Variants in TGS1 observed in about 807,000 individuals in gnomAD.
The protein encoded by TGS1 is trimethylguanosine synthase 1, also known as trimethylguanosine synthase.
A neutral mutation model predicts 92.2 loss-of-function variants in TGS1; 69 were observed. The observed-to-expected ratio is 0.75, with a 90% CI of 0.62 to 0.91. The LOEUF (loss-of-function observed/expected upper bound fraction) is 0.91, where lower values mean the gene tolerates loss of function less well. TGS1 is among the 40% of genes least tolerant of loss of function. TGS1 has a pLI of 0.00. For missense variants in TGS1, 1,062 were observed against 1,001.2 expected, an observed-to-expected ratio of 1.06 and a Z score of -0.82; for synonymous variants, 345 against 338.1, an observed-to-expected ratio of 1.02 and a Z score of -0.22.
intron 5 of TGS1, among the ~76,000 whole-genome samples, chr8:55,790,845 A>G (rs1425356856): frequency 1.3e-5 from 2 of 152,154 alleles, no homozygotes; most frequent in East Asian, 3.8e-4. Context: ...TTTCTCATCT[A>G]TAAGATTGGA....
intron 12 of TGS1, among the ~76,000 whole-genome samples, chr8:55,818,852 G>A (rs78712795): frequency 0.013 from 2,010 of 152,336 alleles, 40 homozygotes; most frequent in African/African-American, 0.046. Context: ...TCTGTAATTT[G>A]TTGAATTGAA....
At position 55,826,017 on chromosome 8, in the gene TGS1, A is replaced by T. The variant is rs1459777104; in HGVS notation, c.*1314A>T. Among the ~76,000 whole-genome samples the T allele has an allele frequency of 1.3e-5, 2 of 151,462 alleles. No homozygotes were observed. The highest frequency in any genetic ancestry group is 2.9e-5 in the Non-Finnish European group (2 of 67,930). On this transcript the variant is annotated 3_prime_UTR_variant, in exon 13 of 13. Coordinates refer to ENST00000260129, the MANE Select transcript of TGS1 (RefSeq NM_024831.8). ...AGGCACCTGCCACCACATCCAGCTA[A>T]TTTTTTATATTTTTAGTAGCTATGG...
At chr8:55,819,965 G>C (rs1803587621) in intron 12 of TGS1, among the ~76,000 whole-genome samples, 1 of 152,174 alleles carries the variant, frequency 6.6e-6, no homozygotes, top group Non-Finnish European at 1.5e-5. Context: ...GATGCTTGCT[G>C]CTGCTAGCAT....
chr8:55,811,029 A>G lies in TGS1; in HGVS notation c.2292A>G (p.Pro764=), dbSNP rs1458685689. The change falls in exon 11 of 13, where the codon CCA becomes CCG. Residue 764 remains proline, a synonymous_variant. Transcript: ENST00000260129. ...AGGCTGATGTTGTGTTCCTCAGCCC[A>G]CCTTGGGGAGGGCCAGACTATGCCA... ...FLKADVVFLS[P]PWGGPDYATA... is the part of the protein sequence containing the mutation. 6.2e-7 allele frequency: 1 copy of G among 1,614,068 alleles called. No individual in the cohort carries two copies. Among genetic ancestry groups the G allele is most frequent in the East Asian group, 2.2e-5 (1 of 44,898 alleles).
rs186755122 is a variant in TGS1 at position 55,784,418 on chromosome 8, G to A, written c.167-1301G>A. 1.3e-4 allele frequency among the ~76,000 whole-genome samples: 20 copies of A among 152,192 alleles called. No homozygotes were observed. In the East Asian group the frequency reaches 3.9e-3, roughly 29 times the overall value. Reference sequence around the variant, plus strand: ...TGTTGTCTGAGTGGTGATCGCTTAAGCATTCCTCTCACCTCAGCCTCCCAA... The same window carrying A: ...TGTTGTCTGAGTGGTGATCGCTTAAACATTCCTCTCACCTCAGCCTCCCAA... On this transcript the variant is annotated intron_variant, in intron 2 of 12. Coordinates refer to ENST00000260129, the MANE Select transcript of TGS1 (RefSeq NM_024831.8).
chr8:55,819,862 T>A (rs1329398361), intron 12 of TGS1, among the ~76,000 whole-genome samples: 1 of 152,202 alleles, frequency 6.6e-6, no homozygotes, highest in African/African-American at 2.4e-5. Flanking sequence ...ATTAGTTGGA[T>A]CTAGCAAAAG....
intron 4 of TGS1, 156 bp from the exon 5 acceptor site, chr8:55,790,026 A>T: frequency 1.6e-6 from 1 of 618,884 alleles, no homozygotes; most frequent in Middle Eastern, 4.3e-4. Context: ...CAGACTCTGC[A>T]TGTAGACACA....
intron 12 of TGS1, among the ~76,000 whole-genome samples, chr8:55,820,140 G>A (rs939988179): frequency 6.6e-6 from 1 of 152,178 alleles, no homozygotes; most frequent in Non-Finnish European, 1.5e-5. Context: ...GTAATAAAGT[G>A]TATCTGTCAT....
At chr8:55,775,973 T>C (rs1811383393) in intron 1 of TGS1, among the ~76,000 whole-genome samples, 1 of 152,088 alleles carries the variant, frequency 6.6e-6, no homozygotes, top group Non-Finnish European at 1.5e-5. Flanking sequence ...ACTAAAAGTA[T>C]CCACTAGAAT....
chr8:55,809,427 G>A (rs374169843), intron 10 of TGS1, among the ~76,000 whole-genome samples: 13 of 151,566 alleles, frequency 8.6e-5, no homozygotes, highest in African/African-American at 2.4e-4. Flanking sequence ...GTGTGCTAGT[G>A]TGGCTGAGGA....
chr8:55,782,098 C>T (rs1811580712), intron 1 of TGS1, among the ~76,000 whole-genome samples: 1 of 152,174 alleles, frequency 6.6e-6, no homozygotes, highest in African/African-American at 2.4e-5. Flanking sequence ...GAGAACACCC[C>T]ATTGTTTATG....
chr8:55,786,738 TGACAA>T lies in TGS1; in HGVS notation c.843_847del (p.Asp281GlufsTer3). ...CTTACACATCTAAAACAGAAGCTGATGACAAGAACGATGAAAAATGCATGAAAGTT... is the reference window on the plus strand; with the variant it reads ...CTTACACATCTAAAACAGAAGCTGATGAACGATGAAAAATGCATGAAAGTT... On this transcript the variant is annotated frameshift_variant, in exon 4 of 13. Transcript: ENST00000260129. LOFTEE classifies it high-confidence loss of function. The T allele has an allele frequency of 6.2e-7, 1 of 1,614,186 alleles. No homozygotes were observed. Among genetic ancestry groups the T allele is most frequent in the African/African-American group, 1.3e-5 (1 of 75,056 alleles).
chr8:55,789,984 A>G, intron 4 of TGS1, 198 bp from the exon 5 acceptor site: 1 of 485,156 alleles, frequency 2.1e-6, no homozygotes, highest in South Asian at 2.8e-5. Context: ...ATTTAATTTA[A>G]CAAACCTTAT....
intron 1 of TGS1, 89 bp from the exon 2 acceptor site, chr8:55,782,659 T>A (rs1811598984): frequency 1.0e-6 from 1 of 969,558 alleles, no homozygotes; most frequent in Non-Finnish European, 1.5e-6. Flanking sequence ...AAGCTTTTTA[T>A]TAATTAATCT....
Position 55,773,580 on chromosome 8 carries a change from C to G in TGS1, c.-39C>G, listed in dbSNP as rs781472305. On this transcript the variant is annotated 5_prime_UTR_variant, in exon 1 of 13. Coordinates refer to ENST00000260129, the MANE Select transcript of TGS1 (RefSeq NM_024831.8). ...CGAGCGGAGGCCCGGCAGGCGCGAC[C>G]CGGGCTGCGTACGTCAGAGCTGCCT... 121 of 1,547,636 alleles carry G rather than the reference C, an allele frequency of 7.8e-5. No individual in the cohort carries two copies. The highest frequency in any genetic ancestry group is 1.0e-4 in the Non-Finnish European group (118 of 1,134,942).
At chr8:55,791,819 G>A (rs148756977) in intron 5 of TGS1, among the ~76,000 whole-genome samples, 3 of 152,156 alleles carry the variant, frequency 2.0e-5, no homozygotes, top group East Asian at 1.9e-4. Flanking sequence ...TTATACACTT[G>A]TACACATAAT....
At chr8:55,804,183 G>A (rs539994466) in intron 9 of TGS1, among the ~76,000 whole-genome samples, 1 of 152,148 alleles carries the variant, frequency 6.6e-6, no homozygotes, top group Non-Finnish European at 1.5e-5. Context: ...GCTCATGCCT[G>A]TAATCCCAGC....
At chr8:55,799,667 C>A (rs189084431) in intron 8 of TGS1, among the ~76,000 whole-genome samples, 2 of 152,226 alleles carry the variant, frequency 1.3e-5, no homozygotes, top group Admixed American at 1.3e-4. Context: ...ATCCTTGACC[C>A]CCAGGGTTCA....
At chr8:55,788,369 T>C (rs527735268) in intron 4 of TGS1, among the ~76,000 whole-genome samples, 2 of 152,326 alleles carry the variant, frequency 1.3e-5, no homozygotes, top group East Asian at 1.9e-4. Context: ...TTGCTTTTTT[T>C]CTCTATATTC....
Sources: allele counts gnomAD v4.1 joint callset (sites outside exome capture counted in the v4.1 genomes callset), GRCh38; gene constraint gnomAD v4.1.1; transcripts MANE v1.5; gene names NCBI Gene and HGNC (gene_info 2026-07-23, HGNC 2026-07-21).